PI4KA: variants seen among roughly 807,000 people sequenced by gnomAD.
The protein encoded by PI4KA is phosphatidylinositol 4-kinase alpha.
A neutral mutation model predicts 271.4 loss-of-function variants in PI4KA; 122 were observed. That is an observed-to-expected ratio of 0.45 (90% CI 0.39 to 0.52). The LOEUF (loss-of-function observed/expected upper bound fraction) is 0.52. Among genes scored for constraint, PI4KA ranks in the 20% least tolerant of loss-of-function variants. The pLI is 0.00. For missense variants in PI4KA, 1,969 were observed against 2,769.1 expected, an observed-to-expected ratio of 0.71 and a Z score of 6.48; for synonymous variants, 1,041 against 1,078.8, an observed-to-expected ratio of 0.96 and a Z score of 0.69.
chr22:20,771,190 C>T (rs539670136), intron 19 of PI4KA, among the ~76,000 whole-genome samples: 88 of 151,958 alleles, frequency 5.8e-4, no homozygotes, highest in Non-Finnish European at 1.0e-3. Context: ...TTTGGGAGGC[C>T]GATGCGGGCG....
rs555522978 is a variant in PI4KA, at chr22:20,792,304, C to T, written c.2328+889G>A. Reference sequence around the variant, plus strand: ...CACTCAGATGGTGTGAGCAGGGGAACGACTTCAATGAGACCAGGAGAGGTG... The same window carrying T: ...CACTCAGATGGTGTGAGCAGGGGAATGACTTCAATGAGACCAGGAGAGGTG... On this transcript the variant is annotated intron_variant, in intron 19 of 54. Transcript: ENST00000255882. Among the ~76,000 whole-genome samples the T allele has an allele frequency of 2.6e-4, 39 of 152,198 alleles. No homozygotes were observed. The South Asian group carries it at 7.3e-3, about 28-fold the overall frequency.
intron 1 of PI4KA, among the ~76,000 whole-genome samples, chr22:20,855,715 A>G (rs765996038): frequency 6.6e-6 from 1 of 152,232 alleles, no homozygotes; most frequent in Non-Finnish European, 1.5e-5. Flanking sequence ...TGTGCCCAGG[A>G]AAGTCCATTA....
chr22:20,833,995 C>T (rs927352760), intron 3 of PI4KA, among the ~76,000 whole-genome samples: 2 of 152,134 alleles, frequency 1.3e-5, no homozygotes, highest in African/African-American at 2.4e-5. Flanking sequence ...TTCAAACAAT[C>T]TGCCCACCTC....
At chr22:20,759,179 T>C (rs1420053702) in intron 23 of PI4KA, among the ~76,000 whole-genome samples, 3 of 152,098 alleles carry the variant, frequency 2.0e-5, no homozygotes, top group Non-Finnish European at 4.4e-5. Flanking sequence ...CCAGACTAGC[T>C]AGGACGACAG....
At chr22:20,798,124 C>T (rs2147582868) in intron 17 of PI4KA, among the ~76,000 whole-genome samples, 1 of 152,296 alleles carries the variant, frequency 6.6e-6, no homozygotes, top group East Asian at 1.9e-4. Flanking sequence ...CAGAAAGCAT[C>T]AAAGATGCTC....
At chr22:20,842,190 T>C (rs1925641939) in intron 1 of PI4KA, among the ~76,000 whole-genome samples, 1 of 151,938 alleles carries the variant, frequency 6.6e-6, no homozygotes, top group South Asian at 2.1e-4. Flanking sequence ...ATTGCGCCAC[T>C]GCACTCCAGC....
Position 20,754,355 on chromosome 22 carries a change from T to G in PI4KA, c.2792-1175A>C, listed in dbSNP as rs553141640. On this transcript the variant is annotated intron_variant, in intron 23 of 54. Transcript: ENST00000255882. ...CTTCTGCCTCGGCCTCCTAAAGTGC[T>G]AGGATTACAGGCGTGAGCCACTATG... 6.0e-4 allele frequency among the ~76,000 whole-genome samples: 92 copies of G among 152,328 alleles called. 1 individual carries two copies. Among genetic ancestry groups the G allele is most frequent in the African/African-American group, 2.0e-3 (85 of 41,576 alleles).
intron 32 of PI4KA, among the ~76,000 whole-genome samples, chr22:20,737,923 G>C (rs1390342414): frequency 6.6e-6 from 1 of 151,050 alleles, no homozygotes; most frequent in East Asian, 1.9e-4. Flanking sequence ...GAGCCACTGC[G>C]CCTGGCTGAG....
chr22:20,763,601 G>C (rs1228436486), intron 22 of PI4KA, among the ~76,000 whole-genome samples: 1 of 151,814 alleles, frequency 6.6e-6, no homozygotes, highest in Non-Finnish European at 1.5e-5. Context: ...CACCACATCT[G>C]GCTAATTTTT....
At chr22:20,745,435 A>C (rs904251492) in intron 29 of PI4KA, among the ~76,000 whole-genome samples, 1 of 152,136 alleles carries the variant, frequency 6.6e-6, no homozygotes, top group Non-Finnish European at 1.5e-5. Context: ...CATCAGTACT[A>C]ATGGGGAAAG....
In PI4KA at chr22:20,813,492, CG is replaced by C. The variant is rs749678707; in HGVS notation, c.870del (p.Asp291MetfsTer5). ...TACTCAGGCTCTAGGGCAGTCCCAT[CG>C]GGCAAGCAGGAGGCTGGTGGGAGAT... ...AFHYFEASCL[P>X]DGTALEPEYY... On this transcript the variant is annotated frameshift_variant, in exon 8 of 55. Coordinates refer to ENST00000255882, the MANE Select transcript of PI4KA (RefSeq NM_058004.4). LOFTEE classifies it high-confidence loss of function. The C allele has an allele frequency of 6.2e-7, 1 of 1,613,862 alleles. No homozygotes were observed. The highest frequency in any genetic ancestry group is 1.1e-5 in the South Asian group (1 of 91,032).
At chr22:20,742,184 T>C in intron 32 of PI4KA, 44 bp downstream of exon 32, 2 of 1,599,872 alleles carry the variant, frequency 1.3e-6, no homozygotes, top group Non-Finnish European at 1.7e-6. Flanking sequence ...TCCCGTCTGT[T>C]ATCCCATCCC....
At chr22:20,838,839 A>G in intron 1 of PI4KA, 108 bp from the exon 2 acceptor site, 1 of 657,154 alleles carries the variant, frequency 1.5e-6, no homozygotes, top group Non-Finnish European at 2.7e-6. Flanking sequence ...GCTATTCAGG[A>G]GGCTGAGGTG....
At chr22:20,751,961 G>A (rs1182902505) in intron 25 of PI4KA, among the ~76,000 whole-genome samples, 1 of 152,116 alleles carries the variant, frequency 6.6e-6, no homozygotes, top group Non-Finnish European at 1.5e-5. Context: ...GGCTCCCCAG[G>A]CCCCTGCCAG....
rs370796425 is a variant in PI4KA at position 20,732,734 on chromosome 22, G to A, written c.4288+237C>T. On this transcript the variant is annotated intron_variant, in intron 36 of 54. Transcript: ENST00000255882. ...GCTGGTGCCAGTGCAGGGAAAGTGC[G>A]GTGAGTGGAGTCTGCTCAGCTGCCT... 1.5e-3 allele frequency among the ~76,000 whole-genome samples: 223 copies of A among 152,316 alleles called. 1 individual carries two copies. Among genetic ancestry groups the A allele is most frequent in the South Asian group, 4.8e-3 (23 of 4,830 alleles).
intron 28 of PI4KA, among the ~76,000 whole-genome samples, chr22:20,748,532 C>T (rs1601399529): frequency 1.3e-5 from 2 of 152,310 alleles, no homozygotes; most frequent in African/African-American, 4.8e-5. Context: ...GGGAGGCCTC[C>T]TGCTCTGGGG....
chr22:20,720,704 C>A (rs1186063269), intron 43 of PI4KA, among the ~76,000 whole-genome samples: 1 of 152,136 alleles, frequency 6.6e-6, no homozygotes, highest in Non-Finnish European at 1.5e-5. Context: ...AGAAGTGGAA[C>A]GAGAATGAGA....
chr22:20,837,387 A>AATAAATAG (rs2147772971), intron 2 of PI4KA, among the ~76,000 whole-genome samples: 1 of 151,830 alleles, frequency 6.6e-6, no homozygotes, highest in African/African-American at 2.4e-5. Flanking sequence ...TAAATAAATA[A>AATAAATAG]ATAGCAGAAG....
rs361641 is a variant in PI4KA at position 20,846,263 on chromosome 22, CAAA to C, written c.157-7535_157-7533del. Among the ~76,000 whole-genome samples, 531 of 82,082 alleles carry C rather than the reference CAAA, an allele frequency of 6.5e-3. 4 individuals are homozygous for C. The highest frequency in any genetic ancestry group is 0.033 in the Middle Eastern group (4 of 122). 53.8% of individuals were successfully genotyped at this position (82,082 alleles called of 152,430 possible). ...TGGGCAACAGAACAAGACTCTATCT[CAAA>C]AAAAAAAAAAAAAAAAAGAAAAGAA... On this transcript the variant is annotated intron_variant, in intron 1 of 54. Coordinates refer to ENST00000255882, the MANE Select transcript of PI4KA (RefSeq NM_058004.4).
Sources: allele counts gnomAD v4.1 joint callset (sites outside exome capture counted in the v4.1 genomes callset), GRCh38; gene constraint gnomAD v4.1.1; transcripts MANE v1.5; gene names NCBI Gene and HGNC (gene_info 2026-07-23, HGNC 2026-07-21).